NFIX: variants seen among roughly 807,000 people sequenced by gnomAD.
NFIX encodes nuclear factor I X, also known as nuclear factor 1 X-type.
NFIX carries 2 observed loss-of-function variants against 53.3 expected under a neutral mutation model. The ratio of observed to expected loss-of-function variants is 0.04; its 90% CI spans 0.02 to 0.12. The LOEUF (loss-of-function observed/expected upper bound fraction) is 0.12. NFIX is among the 10% of genes least tolerant of loss of function. The pLI, the probability that NFIX is intolerant of heterozygous loss-of-function variation, is 1.00. For synonymous variants in NFIX, 244 were observed against 289.0 expected (o/e 0.84, Z 1.58); for missense variants, 310 against 674.5 (o/e 0.46, Z 5.99).
At chr19:13,032,813 T>G (rs535019225) in intron 2 of NFIX, among the ~76,000 whole-genome samples, 122 of 152,134 alleles carry the variant, frequency 8.0e-4, no homozygotes, top group Non-Finnish European at 1.4e-3. Flanking sequence ...TGTCCAAGGT[T>G]TCGAACAAGA....
chr19:13,060,080 A>T lies in NFIX; in HGVS notation c.560-12967A>T, dbSNP rs1431686557. On this transcript the variant is annotated intron_variant, in intron 2 of 10. Transcript: ENST00000592199. The surrounding 1 kb of genome is among the most constrained non-coding windows in gnomAD (Gnocchi z 4.3). Reference sequence around the variant, plus strand: ...TGAGATTACAGGCATGAGCCACCGCACCCGGCCAAGAGGAACGCTTTTGGC... The same window carrying T: ...TGAGATTACAGGCATGAGCCACCGCTCCCGGCCAAGAGGAACGCTTTTGGC... Among the ~76,000 whole-genome samples the T allele has an allele frequency of 1.3e-5, 2 of 152,172 alleles. No individual in the cohort carries two copies. Among genetic ancestry groups the T allele is most frequent in the African/African-American group, 4.8e-5 (2 of 41,532 alleles).
At chr19:13,030,906 G>T (rs2013752692) in intron 2 of NFIX, among the ~76,000 whole-genome samples, 1 of 152,350 alleles carries the variant, frequency 6.6e-6, no homozygotes, top group East Asian at 1.9e-4. Flanking sequence ...ATTTAACCAA[G>T]CGTGGGGGGC....
rs1232726382 is a variant in NFIX, at chr19:13,072,204, C to T, written c.560-843C>T. 2.0e-5 allele frequency among the ~76,000 whole-genome samples: 3 copies of T among 152,208 alleles called. No individual in the cohort carries two copies. The highest frequency in any genetic ancestry group is 7.2e-5 in the African/African-American group (3 of 41,446). The stretch of plus-strand genomic sequence containing the variant: ...AGGTCCCCGTTGTGCCCCTGGCACA[C>T]AAAGCTTTGAGGACCAGGGGGACCA... On this transcript the variant is annotated intron_variant, in intron 2 of 10. Transcript: ENST00000592199. The surrounding 1 kb of genome is among the most constrained non-coding windows in gnomAD (Gnocchi z 4.0).
At position 13,094,773 on chromosome 19, in the gene NFIX, G is replaced by A. The variant is rs2018339767; in HGVS notation, c.*124G>A. ...CCCCACCGAAAAGCAAAAATTACAC[G>A]TCGTCAGCCACTCAGCCCTTCTCTC... On this transcript the variant is annotated 3_prime_UTR_variant, in exon 11 of 11. Coordinates refer to ENST00000592199, the MANE Select transcript of NFIX (RefSeq NM_001365902.3). The surrounding 1 kb of genome is among the most constrained non-coding windows in gnomAD (Gnocchi z 4.3). 1.9e-6 allele frequency: 2 copies of A among 1,041,902 alleles called. No homozygotes were observed. Among genetic ancestry groups the A allele is most frequent in the Admixed American group, 2.1e-5 (1 of 46,956 alleles). 64.5% of individuals were successfully genotyped at this position (1,041,902 alleles called of 1,614,324 possible). A position where few individuals can be genotyped will look rare whatever the true frequency, so the allele number is the denominator to read the frequency against.
rs1037216247 is a variant in NFIX, at chr19:13,028,377, C to T, written c.559+2825C>T. On this transcript the variant is annotated intron_variant, in intron 2 of 10. Coordinates refer to ENST00000592199, the MANE Select transcript of NFIX (RefSeq NM_001365902.3). The surrounding 1 kb of genome is among the most constrained non-coding windows in gnomAD (Gnocchi z 4.2). ...GCCAGATCTGGGCTGAGCTGGGGGT[C>T]CTGGGTTTCATGACAGTAACGGTGA... 6.6e-6 allele frequency among the ~76,000 whole-genome samples: 1 copy of T among 152,034 alleles called. No individual in the cohort carries two copies. Among genetic ancestry groups the T allele is most frequent in the African/African-American group, 2.4e-5 (1 of 41,386 alleles).
In NFIX at chr19:13,025,537, T is replaced by C; in HGVS notation, c.544T>C (p.Phe182Leu). 6.2e-7 allele frequency: 1 copy of C among 1,611,690 alleles called. No homozygotes were observed. Among genetic ancestry groups the C allele is most frequent in the Non-Finnish European group, 8.5e-7 (1 of 1,178,502 alleles). The change falls in exon 2 of 11, where the codon TTT becomes CTT. Residue 182 changes from phenylalanine (F) to leucine (L), a missense_variant. Phe to Leu is a conservative substitution (Grantham distance 22). Around this residue, in one of 5 missense-constraint regions of NFIX, gnomAD observed 164 missense variants for 284.4 expected, o/e 0.58. Transcript: ENST00000592199. This position sits in a 1 kb window ranked among gnomAD's most constrained non-coding sequence, Gnocchi z 7.5. ...IKELDLYLAY[F>L]VHTPESGQSD... is the part of the protein sequence containing the mutation. ...AGAACTGGATCTTTATCTGGCTTAC[T>C]TTGTCCACACTCCGGGTAGGTCGTT...
rs893770816 is a variant in NFIX, at chr19:13,002,473, G to A, written c.27+6609G>A. Among the ~76,000 whole-genome samples, 1 of 152,124 alleles carries A rather than the reference G, an allele frequency of 6.6e-6. No individual in the cohort carries two copies. The highest frequency in any genetic ancestry group is 6.5e-5 in the Admixed American group (1 of 15,286). ...GCCCCCTGAGTGGGCTTGGCCAGGG[G>A]GGCACAGGCCTGGCGGGTGAGGGAA... On this transcript the variant is annotated intron_variant, in intron 1 of 10. Transcript: ENST00000592199. The surrounding 1 kb of genome is among the most constrained non-coding windows in gnomAD (Gnocchi z 6.1).
Position 13,090,273 on chromosome 19 carries a change from C to G in NFIX, c.1403-26C>G, listed in dbSNP as rs746268271. 6.2e-6 allele frequency: 10 copies of G among 1,612,070 alleles called. No individual in the cohort carries two copies. In the South Asian group the frequency reaches 1.1e-4, roughly 18 times the overall value. On this transcript the variant is annotated intron_variant, in intron 9 of 10. Transcript: ENST00000592199. The surrounding 1 kb of genome is among the most constrained non-coding windows in gnomAD (Gnocchi z 6.6). ...TGGGCCCCAAGGCCTGACAGGGTCT[C>G]TCCCTCTCTCCCCTGCTCCCCACAG...
intron 1 of NFIX, among the ~76,000 whole-genome samples, chr19:13,016,257 G>C (rs1413665828): frequency 1.3e-5 from 2 of 152,170 alleles, no homozygotes; most frequent in Non-Finnish European, 2.9e-5. Context: ...GCTTTGCTTA[G>C]TCCTTCCTGC....
In NFIX at chr19:13,025,580, C is replaced by T. The variant is rs767586141; in HGVS notation, c.559+28C>T. 3.1e-6 allele frequency: 5 copies of T among 1,592,834 alleles called. No homozygotes were observed. Among genetic ancestry groups the T allele is most frequent in the South Asian group, 2.2e-5 (2 of 90,318 alleles). On this transcript the variant is annotated intron_variant, in intron 2 of 10. Coordinates refer to ENST00000592199, the MANE Select transcript of NFIX (RefSeq NM_001365902.3). This position sits in a 1 kb window ranked among gnomAD's most constrained non-coding sequence, Gnocchi z 7.5. ...AGGTCGTTCTCAACCATTTTTCCCT[C>T]TCATTTTATTTTCCTTGCTGGCATT...
chr19:13,064,222 C>G (rs2016265802), intron 2 of NFIX, among the ~76,000 whole-genome samples: 1 of 152,234 alleles, frequency 6.6e-6, no homozygotes. Context: ...CATCACATGA[C>G]TCTTGGCCCC....
intron 2 of NFIX, among the ~76,000 whole-genome samples, chr19:13,048,270 A>G (rs2015114179): frequency 6.6e-6 from 1 of 152,124 alleles, no homozygotes; most frequent in Non-Finnish European, 1.5e-5. Context: ...CCTTGTGGAC[A>G]GCTTGCCCCC....
chr19:13,042,569 C>G (rs11878350), intron 2 of NFIX, among the ~76,000 whole-genome samples: 15,928 of 151,762 alleles, frequency 0.1, 1,597 homozygotes, highest in African/African-American at 0.26. Flanking sequence ...TGTTGGCCAG[C>G]CTGGTCTTGA....
At position 13,072,607 on chromosome 19, in the gene NFIX, C is replaced by T. The variant is rs769210206; in HGVS notation, c.560-440C>T. Among the ~76,000 whole-genome samples, 4 of 152,242 alleles carry T rather than the reference C, an allele frequency of 2.6e-5. No homozygotes were observed. The highest frequency in any genetic ancestry group is 5.9e-5 in the Non-Finnish European group (4 of 68,044). Reference sequence around the variant, plus strand: ...GAGAGAGATGGTCTCTGACTTCTCTCTTGGGACCCCTCTTTGCTCCTGACT... The same window carrying T: ...GAGAGAGATGGTCTCTGACTTCTCTTTTGGGACCCCTCTTTGCTCCTGACT... On this transcript the variant is annotated intron_variant, in intron 2 of 10. Transcript: ENST00000592199. This position sits in a 1 kb window ranked among gnomAD's most constrained non-coding sequence, Gnocchi z 4.0.
At chr19:13,023,491 C>G (rs1321287329) in intron 1 of NFIX, among the ~76,000 whole-genome samples, 3 of 152,082 alleles carry the variant, frequency 2.0e-5, no homozygotes, top group Non-Finnish European at 4.4e-5. Flanking sequence ...AAGCCGAAAG[C>G]CTTTTTCTTC....
intron 8 of NFIX, among the ~76,000 whole-genome samples, chr19:13,082,890 C>T (rs188361791): frequency 1.3e-5 from 2 of 152,344 alleles, no homozygotes; most frequent in Admixed American, 1.3e-4. Context: ...CAGAGGCTGC[C>T]TGCTGCCACC....
Position 13,002,611 on chromosome 19 carries a change from T to G in NFIX, c.27+6747T>G, listed in dbSNP as rs1599703472. 6.6e-6 allele frequency among the ~76,000 whole-genome samples: 1 copy of G among 152,260 alleles called. No homozygotes were observed. Among genetic ancestry groups the G allele is most frequent in the South Asian group, 2.1e-4 (1 of 4,828 alleles). The stretch of plus-strand genomic sequence containing the variant: ...GGGGCACGGAGCTGGGGTGTCTGGC[T>G]TCTGGTGGGGCTGGCAGGCCTCTGT... On this transcript the variant is annotated intron_variant, in intron 1 of 10. Transcript: ENST00000592199. The surrounding 1 kb of genome is among the most constrained non-coding windows in gnomAD (Gnocchi z 6.1).
At chr19:13,010,690 C>T (rs2012292152) in intron 1 of NFIX, among the ~76,000 whole-genome samples, 1 of 152,256 alleles carries the variant, frequency 6.6e-6, no homozygotes, top group Non-Finnish European at 1.5e-5. Context: ...GGTCCGTGAG[C>T]CCGCTCTGGT....
rs2011723137 is a variant in NFIX at position 13,001,913 on chromosome 19, G to C, written c.27+6049G>C. 6.6e-6 allele frequency among the ~76,000 whole-genome samples: 1 copy of C among 152,252 alleles called. No individual in the cohort carries two copies. Among genetic ancestry groups the C allele is most frequent in the African/African-American group, 2.4e-5 (1 of 41,468 alleles). ...GGGCCCCGCCCGTGCCCCTGGCCTGGCGTGGACAGAAGCCCGTTGTGCGGC... is the reference window on the plus strand; with the variant it reads ...GGGCCCCGCCCGTGCCCCTGGCCTGCCGTGGACAGAAGCCCGTTGTGCGGC... On this transcript the variant is annotated intron_variant, in intron 1 of 10. Transcript: ENST00000592199. This position sits in a 1 kb window ranked among gnomAD's most constrained non-coding sequence, Gnocchi z 6.5.
Sources: allele counts gnomAD v4.1 joint callset (sites outside exome capture counted in the v4.1 genomes callset), GRCh38; gene constraint gnomAD v4.1.1; regional missense constraint gnomAD v4.1.1; non-coding constraint Gnocchi (gnomAD v3.1); transcripts MANE v1.5; gene names NCBI Gene and HGNC (gene_info 2026-07-23, HGNC 2026-07-21).